Variants in LPP observed in about 807,000 individuals in gnomAD.
LPP encodes lipoma-preferred partner.
A neutral mutation model predicts 60.4 loss-of-function variants in LPP; 38 were observed. The ratio of observed to expected loss-of-function variants is 0.63; its 90% confidence interval spans 0.49 to 0.83. LPP has a LOEUF of 0.83. Ranked by LOEUF, LPP falls within the 40% of genes least tolerant of loss-of-function variation. The pLI is 0.00. For missense variants in LPP, 902 were observed against 783.6 expected (o/e 1.15, Z -1.80); for synonymous variants, 328 against 290.8 (o/e 1.13, Z -1.30).
At chr3:188,675,404 C>T (rs1857822629) in intron 7 of LPP, among the ~76,000 whole-genome samples, 1 of 152,200 alleles carries the variant, frequency 6.6e-6, no homozygotes. Context: ...ACCACGCATA[C>T]ACACAAAGCA....
In LPP at chr3:188,890,451, C is replaced by A. The variant is rs1771124133; in HGVS notation, c.*15972C>A. The A allele has an allele frequency of 5.1e-6, 1 of 196,664 alleles. No individual in the cohort carries two copies. The highest frequency in any genetic ancestry group is 2.3e-5 in the African/African-American group (1 of 43,332). The allele number at this position is 196,664 out of a possible 1,614,324, so 12.2% of individuals were successfully genotyped here. On this transcript the variant is annotated 3_prime_UTR_variant, in exon 12 of 12. Coordinates refer to ENST00000617246, the MANE Select transcript of LPP (RefSeq NM_001375462.1). ...CAGTATGAAAATAAGAGAATAAAAT[C>A]TGTTATAAGCAAGTGATTTAGGTAT...
At chr3:188,162,343 T>C (rs1274797926) in intron 1 of LPP, among the ~76,000 whole-genome samples, 2 of 152,178 alleles carry the variant, frequency 1.3e-5, no homozygotes, top group East Asian at 3.8e-4. Context: ...CAAACCCCCC[T>C]CTCCAAAACT....
chr3:188,577,753 G>GTCC (rs1835021410), intron 6 of LPP, among the ~76,000 whole-genome samples: 1 of 98,024 alleles, frequency 1.0e-5, no homozygotes, highest in Non-Finnish European at 2.2e-5. Context: ...TTGTTCCTTC[G>GTCC]TTCCTTCGTT....
intron 5 of LPP, among the ~76,000 whole-genome samples, chr3:188,499,396 T>C (rs1437817613): frequency 1.3e-5 from 2 of 152,224 alleles, no homozygotes; most frequent in Non-Finnish European, 2.9e-5. Flanking sequence ...CCTTCCTGTA[T>C]TAAATGATCT....
At chr3:188,370,585 T>C (rs543052527) in intron 3 of LPP, among the ~76,000 whole-genome samples, 2 of 152,322 alleles carry the variant, frequency 1.3e-5, no homozygotes, top group East Asian at 1.9e-4. Flanking sequence ...TTATGCAAGA[T>C]ATGATGCAGG....
chr3:188,689,276 G>A (rs1248528700), intron 7 of LPP, among the ~76,000 whole-genome samples: 1 of 152,190 alleles, frequency 6.6e-6, no homozygotes, highest in Non-Finnish European at 1.5e-5. Context: ...CCAGAATTGG[G>A]TTCTGGACTC....
chr3:188,814,886 T>C (rs1033358603), intron 9 of LPP, among the ~76,000 whole-genome samples: 1 of 152,232 alleles, frequency 6.6e-6, no homozygotes, highest in Non-Finnish European at 1.5e-5. Flanking sequence ...TCCCTGCCCA[T>C]GAGCTGTGGA....
intron 3 of LPP, among the ~76,000 whole-genome samples, chr3:188,356,269 A>G (rs1767587293): frequency 6.6e-6 from 1 of 152,186 alleles, no homozygotes; most frequent in South Asian, 2.1e-4. Context: ...GAAAAGGGCA[A>G]CATAGTTTCT....
chr3:188,695,219 A>G (rs1184151058), intron 7 of LPP, among the ~76,000 whole-genome samples: 1 of 152,240 alleles, frequency 6.6e-6, no homozygotes, highest in African/African-American at 2.4e-5. Flanking sequence ...TAATACATAA[A>G]TTAAATACTA....
chr3:188,240,506 T>C (rs1723972733), intron 2 of LPP, among the ~76,000 whole-genome samples: 1 of 152,308 alleles, frequency 6.6e-6, no homozygotes, highest in Non-Finnish European at 1.5e-5. Flanking sequence ...GTACTGAATT[T>C]GACTGCTTTA....
intron 5 of LPP, among the ~76,000 whole-genome samples, chr3:188,505,646 A>G (rs1302633584): frequency 2.6e-5 from 4 of 152,138 alleles, no homozygotes; most frequent in Admixed American, 6.5e-5. Flanking sequence ...TATATTTTCT[A>G]GTCTTGCCAA....
chr3:188,545,313 A>AG (rs1826320803), intron 6 of LPP, among the ~76,000 whole-genome samples: 1 of 152,032 alleles, frequency 6.6e-6, no homozygotes, highest in Non-Finnish European at 1.5e-5. Context: ...AAAAGCCTTT[A>AG]GAAAAAAAAG....
At chr3:188,624,245 G>T (rs1560661298) in intron 7 of LPP, among the ~76,000 whole-genome samples, 1 of 152,110 alleles carries the variant, frequency 6.6e-6, no homozygotes, top group African/African-American at 2.4e-5. Flanking sequence ...TGCATTAAAA[G>T]AAATTATATC....
At chr3:188,356,533 TA>T (rs1315596250) in intron 3 of LPP, among the ~76,000 whole-genome samples, 1 of 152,200 alleles carries the variant, frequency 6.6e-6, no homozygotes, top group South Asian at 2.1e-4. Flanking sequence ...TAGAGTTTTA[TA>T]AACTGTTTCA....
intron 7 of LPP, among the ~76,000 whole-genome samples, chr3:188,707,941 A>C (rs1029701663): frequency 1.3e-5 from 2 of 152,238 alleles, no homozygotes; most frequent in South Asian, 4.1e-4. Context: ...GTTCATAAGA[A>C]AGAAAGACTC....
chr3:188,888,948 AG>A lies in LPP; in HGVS notation c.*14472del, dbSNP rs112210327. On this transcript the variant is annotated 3_prime_UTR_variant, in exon 12 of 12. Transcript: ENST00000617246. ...TAAGCTTTATGGCATTGAAACATTT[AG>A]GGAAAAAAAAGATGTTTAAGAGAAT... The A allele has an allele frequency of 2.6e-4, 56 of 215,080 alleles. No homozygotes were observed. Among genetic ancestry groups the A allele is most frequent in the Admixed American group, 7.0e-4 (12 of 17,196 alleles). The allele number at this position is 215,080 out of a possible 1,614,324, so 13.3% of individuals were successfully genotyped here.
chr3:188,828,881 T>C (rs1756384968), intron 9 of LPP, among the ~76,000 whole-genome samples: 1 of 152,208 alleles, frequency 6.6e-6, no homozygotes, highest in Non-Finnish European at 1.5e-5. Context: ...AGGTATTATG[T>C]ATGTAATATA....
intron 6 of LPP, among the ~76,000 whole-genome samples, chr3:188,570,907 G>C (rs1418674346): frequency 6.6e-6 from 1 of 151,968 alleles, no homozygotes; most frequent in African/African-American, 2.4e-5. Context: ...CTAAAAAAAA[G>C]TATAAGATAT....
chr3:188,384,114 C>G (rs1347792700), intron 3 of LPP, among the ~76,000 whole-genome samples: 3 of 152,118 alleles, frequency 2.0e-5, no homozygotes, highest in African/African-American at 4.8e-5. Flanking sequence ...CCTCTCTGAC[C>G]ATTAGAAATA....
Sources: gnomAD v4.1 joint callset for allele counts (sites outside exome capture counted in the v4.1 genomes callset) on GRCh38, gnomAD v4.1.1 for gene constraint, MANE v1.5 for transcripts, NCBI Gene and HGNC (gene_info 2026-07-23, HGNC 2026-07-21) for gene names.